The following ELP1 variants were observed in gnomAD, a reference collection of about 807,000 sequenced individuals.
ELP1 encodes elongator acetyltransferase complex subunit 1, also known as elongator complex protein 1.
In ELP1, 131 loss-of-function variants were observed where a neutral mutation model predicts 183.2. The ratio of observed to expected loss-of-function variants is 0.72; its 90% confidence interval spans 0.62 to 0.83. ELP1 has a LOEUF of 0.83. ELP1 is among the 40% of genes least tolerant of loss of function. The pLI is 0.00. For synonymous variants in ELP1, 555 were observed against 569.0 expected, an observed-to-expected ratio of 0.98 and a Z score of 0.35; for missense variants, 1,550 against 1,594.9, an observed-to-expected ratio of 0.97 and a Z score of 0.48.
intron 36 of ELP1, among the ~76,000 whole-genome samples, chr9:108,872,813 A>AC (rs1827528210): frequency 2.0e-5 from 1 of 50,424 alleles, no homozygotes; most frequent in South Asian, 5.0e-4. Context: ...TGAAAAAAAA[A>AC]AAAAAAAAAA....
intron 9 of ELP1, among the ~76,000 whole-genome samples, chr9:108,917,073 G>A (rs1320308497): frequency 6.6e-6 from 1 of 152,046 alleles, no homozygotes; most frequent in Non-Finnish European, 1.5e-5. Context: ...AAAATCACTG[G>A]AAAAACAATA....
intron 35 of ELP1, among the ~76,000 whole-genome samples, chr9:108,876,102 CCT>C (rs1304027625): frequency 4.6e-5 from 7 of 151,888 alleles, no homozygotes; most frequent in Non-Finnish European, 5.9e-5. Context: ...TTGGTGACAC[CCT>C]GTCTCTACAG....
chr9:108,894,964 C>A (rs910090042), intron 25 of ELP1, among the ~76,000 whole-genome samples: 1 of 152,066 alleles, frequency 6.6e-6, no homozygotes, highest in Non-Finnish European at 1.5e-5. Context: ...AGGAAGAAAA[C>A]CCAAGACAAC....
intron 29 of ELP1, among the ~76,000 whole-genome samples, chr9:108,884,992 G>A (rs1401278860): frequency 6.6e-6 from 1 of 151,896 alleles, no homozygotes; most frequent in African/African-American, 2.4e-5. Flanking sequence ...GAGGGGGGAG[G>A]ACAGCTTGAA....
At chr9:108,893,446 A>C (rs1463956820) in intron 26 of ELP1, among the ~76,000 whole-genome samples, 1 of 152,198 alleles carries the variant, frequency 6.6e-6, no homozygotes, top group Non-Finnish European at 1.5e-5. Context: ...CTGAAGGCTT[A>C]ACATGCACCC....
At chr9:108,901,379 G>C (rs1231595623) in intron 18 of ELP1, 46 bp downstream of exon 18, 1 of 1,327,408 alleles carries the variant, frequency 7.5e-7, no homozygotes, top group Admixed American at 1.7e-5. Context: ...GACTCCAAAA[G>C]ACATTGGAGA....
In ELP1 at chr9:108,900,364, C is replaced by T. The variant is rs537930129; in HGVS notation, c.2026G>A (p.Gly676Ser). The T allele has an allele frequency of 7.3e-4, 1,171 of 1,613,774 alleles. 24 individuals are homozygous for T. In the South Asian group the frequency reaches 0.011, roughly 15 times the overall value. ...RDASFKTLQA[G>S]LSSNHVSHGE... ...TGGGACACATGATTGCTGCTCAGGC[C>T]GGCCTGTAATGCTAAACACACCATT... Residue 676 changes from glycine to serine, a missense_variant, in exon 19 of 37, where the codon GGC (glycine) becomes AGC (serine). Physicochemically the swap from Gly to Ser is moderately conservative, Grantham distance 56. Transcript: ENST00000374647.
At chr9:108,898,145 C>G (rs913656973) in intron 22 of ELP1, among the ~76,000 whole-genome samples, 4 of 152,174 alleles carry the variant, frequency 2.6e-5, no homozygotes, top group African/African-American at 9.6e-5. Flanking sequence ...CTGGACAATT[C>G]TCTCAACTTT....
chr9:108,887,242 A>C (rs1304616087), intron 29 of ELP1, among the ~76,000 whole-genome samples: 1 of 152,112 alleles, frequency 6.6e-6, no homozygotes, highest in African/African-American at 2.4e-5. Flanking sequence ...AATTTTAAAA[A>C]AGCAAACATG....
intron 5 of ELP1, among the ~76,000 whole-genome samples, chr9:108,925,514 T>C (rs373716263): frequency 2.0e-5 from 3 of 152,056 alleles, no homozygotes; most frequent in Admixed American, 6.5e-5. Context: ...CCCTTATCCC[T>C]CACCTGCCCA....
chr9:108,902,859 A>G lies in ELP1; in HGVS notation c.1834T>C (p.Leu612=), dbSNP rs768084021. The change falls in exon 16 of 37, where the codon TTG becomes CTG. Residue 612 remains leucine (L), a synonymous_variant. Coordinates refer to ENST00000374647, the MANE Select transcript of ELP1 (RefSeq NM_003640.5). ...RFPYPCTQTE[L]AMIGEEECVL... is the part of the protein sequence containing the mutation. Reference sequence around the variant, plus strand: ...CCTACCTCTTCTCCAATCATGGCCAATTCGGTCTGGGTGCATGGATAAGGA... The same window carrying G: ...CCTACCTCTTCTCCAATCATGGCCAGTTCGGTCTGGGTGCATGGATAAGGA... The G allele has an allele frequency of 2.5e-6, 4 of 1,613,506 alleles. No individual in the cohort carries two copies. In the African/African-American group the frequency reaches 5.3e-5, roughly 22 times the overall value.
At chr9:108,930,585 G>A (rs1829968680) in intron 2 of ELP1, among the ~76,000 whole-genome samples, 1 of 152,106 alleles carries the variant, frequency 6.6e-6, no homozygotes, top group African/African-American at 2.4e-5. Flanking sequence ...AGCTTCTCGG[G>A]AGGCTGAGGC....
rs55778443 is a variant in ELP1 at position 108,903,409 on chromosome 9, T to C, written c.1750+154A>G. On this transcript the variant is annotated intron_variant, in intron 15 of 36. Coordinates refer to ENST00000374647, the MANE Select transcript of ELP1 (RefSeq NM_003640.5). The stretch of plus-strand genomic sequence containing the variant: ...ATTAAAAGAGGAAACAGGAGTAGAA[T>C]ACACTTGCCAATTCCACTCTAAAGC... Among the ~76,000 whole-genome samples the C allele has an allele frequency of 3.0e-3, 463 of 152,340 alleles. 1 individual carries two copies. The highest frequency in any genetic ancestry group is 0.011 in the African/African-American group (448 of 41,572).
At chr9:108,888,604 C>T (rs955075583) in intron 29 of ELP1, among the ~76,000 whole-genome samples, 6 of 152,104 alleles carry the variant, frequency 3.9e-5, no homozygotes, top group African/African-American at 1.2e-4. Flanking sequence ...ATTCAATCAC[C>T]CAACAAATAT....
chr9:108,915,093 C>A (rs1475378394), intron 10 of ELP1, among the ~76,000 whole-genome samples: 1 of 152,154 alleles, frequency 6.6e-6, no homozygotes, highest in Non-Finnish European at 1.5e-5. Context: ...TTATTTAATA[C>A]TTAAAACCAC....
intron 5 of ELP1, among the ~76,000 whole-genome samples, chr9:108,925,698 T>C (rs930152514): frequency 7.9e-5 from 12 of 152,152 alleles, no homozygotes; most frequent in Non-Finnish European, 4.4e-5. Context: ...ACTGTGCTGA[T>C]ACCACCAAGC....
At chr9:108,889,227 C>T in intron 29 of ELP1, 105 bp downstream of exon 29, 1 of 1,090,686 alleles carries the variant, frequency 9.2e-7, no homozygotes, top group Non-Finnish European at 1.4e-6. Context: ...TATCTCTGGA[C>T]TTAACAATTA....
intron 36 of ELP1, among the ~76,000 whole-genome samples, chr9:108,874,005 G>A (rs1253715032): frequency 6.6e-6 from 1 of 152,226 alleles, no homozygotes. Flanking sequence ...AGCTGGGATG[G>A]AAGGTAGCTG....
rs41278353 is a variant in ELP1 at position 108,880,291 on chromosome 9, C to T, written c.3347-126G>A. On this transcript the variant is annotated intron_variant, in intron 31 of 36. Transcript: ENST00000374647. ...GAAAGAGGTTACTAGGTTTTCCAAG[C>T]GAGCTCTTTTTCCTTAATAAGCATT... is the stretch of plus-strand genomic sequence containing the variant. 2,626 of 700,354 alleles carry T rather than the reference C, an allele frequency of 3.7e-3. 7 individuals carry two copies. Among genetic ancestry groups the T allele is most frequent in the Non-Finnish European group, 4.6e-3 (1,774 of 383,950 alleles). 43.4% of individuals were successfully genotyped at this position (700,354 alleles called of 1,614,324 possible).
Sources: gnomAD v4.1 joint callset for allele counts (sites outside exome capture counted in the v4.1 genomes callset) on GRCh38, gnomAD v4.1.1 for gene constraint, MANE v1.5 for transcripts, NCBI Gene and HGNC (gene_info 2026-07-23, HGNC 2026-07-21) for gene names.